The following ATRNL1 variants were observed in gnomAD, a reference collection of about 807,000 sequenced individuals.
ATRNL1 encodes attractin-like protein 1.
In ATRNL1, 95 loss-of-function variants were observed where a neutral mutation model predicts 182.7. The observed-to-expected ratio is 0.52, with a 90% confidence interval of 0.44 to 0.62. ATRNL1 has a LOEUF of 0.62. Ranked by LOEUF, ATRNL1 falls within the 20% of genes least tolerant of loss-of-function variation. ATRNL1 has a pLI of 0.00. For missense variants in ATRNL1, 1,471 were observed against 1,679.5 expected, an observed-to-expected ratio of 0.88 and a Z score of 2.17; for synonymous variants, 576 against 568.3, an observed-to-expected ratio of 1.01 and a Z score of -0.19.
chr10:115,813,914 G>T (rs1950105963), intron 27 of ATRNL1, among the ~76,000 whole-genome samples: 3 of 152,050 alleles, frequency 2.0e-5, no homozygotes, highest in Admixed American at 2.0e-4. Flanking sequence ...CCTACAAAAA[G>T]ATATTATTTG....
At chr10:115,557,666 C>T (rs566096418) in intron 26 of ATRNL1, among the ~76,000 whole-genome samples, 1 of 152,112 alleles carries the variant, frequency 6.6e-6, no homozygotes, top group African/African-American at 2.4e-5. Flanking sequence ...AAGAATGGAA[C>T]AAGATGACTT....
At chr10:115,855,360 AT>A (rs1555101599) in intron 28 of ATRNL1, among the ~76,000 whole-genome samples, 3 of 152,242 alleles carry the variant, frequency 2.0e-5, no homozygotes, top group South Asian at 4.1e-4. Context: ...TTCCATACAA[AT>A]GTGACCTCAC....
chr10:115,402,031 C>T (rs1426775831), intron 20 of ATRNL1, among the ~76,000 whole-genome samples: 1 of 152,094 alleles, frequency 6.6e-6, no homozygotes, highest in Non-Finnish European at 1.5e-5. Context: ...ACATTGTATA[C>T]TCACAGATGT....
At chr10:115,936,784 G>T (rs1407912937) in intron 28 of ATRNL1, among the ~76,000 whole-genome samples, 1 of 152,062 alleles carries the variant, frequency 6.6e-6, no homozygotes, top group African/African-American at 2.4e-5. Flanking sequence ...TTCTAATAAG[G>T]ATTGTCAAGT....
chr10:115,105,665 C>G (rs1341528877), intron 1 of ATRNL1, among the ~76,000 whole-genome samples: 1 of 152,212 alleles, frequency 6.6e-6, no homozygotes, highest in Non-Finnish European at 1.5e-5. Context: ...CCCAGCTGCT[C>G]TAGCTATGAC....
chr10:115,590,976 A>G (rs1308846988), intron 26 of ATRNL1, among the ~76,000 whole-genome samples: 1 of 152,108 alleles, frequency 6.6e-6, no homozygotes, highest in African/African-American at 2.4e-5. Context: ...TGTTTCAATG[A>G]TCTCACTTCG....
intron 9 of ATRNL1, among the ~76,000 whole-genome samples, chr10:115,238,917 T>C (rs895382182): frequency 1.3e-4 from 20 of 152,186 alleles, no homozygotes; most frequent in African/African-American, 4.1e-4. Flanking sequence ...ATTCCTAGTT[T>C]GCTGAGTTTT....
chr10:115,381,851 G>A (rs2485970), intron 19 of ATRNL1, among the ~76,000 whole-genome samples: 57,702 of 151,590 alleles, frequency 0.38, 12,126 homozygotes, highest in African/African-American at 0.56. Context: ...GGTGTCTTAT[G>A]TATTTTGAGT....
intron 26 of ATRNL1, among the ~76,000 whole-genome samples, chr10:115,672,796 G>T (rs78831306): frequency 0.021 from 3,230 of 151,874 alleles, 79 homozygotes; most frequent in East Asian, 0.13. Flanking sequence ...TATCTCATTT[G>T]GGGGAAAGAA....
chr10:115,822,727 C>G (rs1950333336), intron 27 of ATRNL1, among the ~76,000 whole-genome samples: 1 of 152,114 alleles, frequency 6.6e-6, no homozygotes. Context: ...CAAGACTAAA[C>G]CAGAAAGAAG....
chr10:115,910,569 A>C (rs1486898747), intron 28 of ATRNL1, among the ~76,000 whole-genome samples: 1 of 151,924 alleles, frequency 6.6e-6, no homozygotes, highest in Non-Finnish European at 1.5e-5. Flanking sequence ...ACCCAACACA[A>C]GCAAGGAAAG....
intron 26 of ATRNL1, among the ~76,000 whole-genome samples, chr10:115,627,839 A>C (rs1282272788): frequency 6.6e-6 from 1 of 152,112 alleles, no homozygotes. Context: ...GCCAGTTAAT[A>C]TGGTTGTTCT....
At chr10:115,559,989 T>C (rs997056585) in intron 26 of ATRNL1, among the ~76,000 whole-genome samples, 1 of 152,212 alleles carries the variant, frequency 6.6e-6, no homozygotes, top group Non-Finnish European at 1.5e-5. Flanking sequence ...TAAAATTCTT[T>C]AGAAATCCAC....
chr10:115,729,875 G>T (rs1947736022), intron 27 of ATRNL1, among the ~76,000 whole-genome samples: 1 of 151,520 alleles, frequency 6.6e-6, no homozygotes. Flanking sequence ...AACTTTATTT[G>T]TTCTCCTTTA....
At chr10:115,330,913 C>T (rs1207927343) in intron 18 of ATRNL1, among the ~76,000 whole-genome samples, 2 of 152,010 alleles carry the variant, frequency 1.3e-5, no homozygotes, top group Non-Finnish European at 2.9e-5. Context: ...TAATGATACA[C>T]AGATTTGCTC....
intron 17 of ATRNL1, among the ~76,000 whole-genome samples, chr10:115,309,145 A>T (rs1232674986): frequency 6.6e-6 from 1 of 151,984 alleles, no homozygotes; most frequent in Non-Finnish European, 1.5e-5. Flanking sequence ...ATCTACTTTT[A>T]TACAAATACT....
chr10:115,223,929 A>ATATTTTTTTTTTTTTTTTTT (rs1420143943), intron 9 of ATRNL1, among the ~76,000 whole-genome samples: 1 of 44,714 alleles, frequency 2.2e-5, no homozygotes, highest in African/African-American at 9.2e-5. Context: ...ATATATATAT[A>ATATTTTTTTTTTTTTTTTTT]TTTTTTTTTT....
intron 26 of ATRNL1, among the ~76,000 whole-genome samples, chr10:115,683,035 C>T (rs1345817869): frequency 6.6e-6 from 1 of 151,966 alleles, no homozygotes; most frequent in African/African-American, 2.4e-5. Context: ...AAACTTTTCT[C>T]ATAAGGCTAT....
intron 24 of ATRNL1, among the ~76,000 whole-genome samples, chr10:115,487,170 G>C (rs34135158): frequency 5.3e-5 from 8 of 152,002 alleles, no homozygotes; most frequent in Non-Finnish European, 1.0e-4. Context: ...GTCAGGTTAC[G>C]TGATGCCTCC....
Sources: gnomAD v4.1 joint callset for allele counts (sites outside exome capture counted in the v4.1 genomes callset) on GRCh38, gnomAD v4.1.1 for gene constraint, MANE v1.5 for transcripts, NCBI Gene and HGNC (gene_info 2026-07-23, HGNC 2026-07-21) for gene names.